Variants in ACADS observed in about 807,000 individuals in gnomAD.
The protein encoded by ACADS is acyl-CoA dehydrogenase short chain.
In ACADS, 28 loss-of-function variants were observed where a neutral mutation model predicts 46.8. The observed-to-expected ratio is 0.60, with a 90% CI of 0.44 to 0.82. The LOEUF is 0.82. Ranked by LOEUF, ACADS falls within the 40% of genes least tolerant of loss-of-function variation. ACADS has a pLI of 0.00. For synonymous variants in ACADS, 236 were observed against 237.7 expected, an observed-to-expected ratio of 0.99 and a Z score of 0.07; for missense variants, 528 against 578.0, an observed-to-expected ratio of 0.91 and a Z score of 0.89.
At chr12:120,729,860 G>C (rs1257147664) in intron 2 of ACADS, among the ~76,000 whole-genome samples, 2 of 152,188 alleles carry the variant, frequency 1.3e-5, no homozygotes, top group African/African-American at 4.8e-5. Flanking sequence ...GGAGAAGGCT[G>C]TGCTCTTAGG....
intron 2 of ACADS, among the ~76,000 whole-genome samples, chr12:120,734,588 G>T (rs1883366211): frequency 6.6e-6 from 1 of 152,022 alleles, no homozygotes; most frequent in African/African-American, 2.4e-5. Flanking sequence ...GCTCCTAGGT[G>T]CCCCCTCTTT....
At chr12:120,735,710 C>T (rs570859797) in intron 2 of ACADS, among the ~76,000 whole-genome samples, 2 of 151,950 alleles carry the variant, frequency 1.3e-5, no homozygotes, top group East Asian at 3.9e-4. Flanking sequence ...ACCAGCCTGG[C>T]CAAGATGGTG....
rs756393954 is a variant in ACADS at position 120,737,350 on chromosome 12, T to C, written c.361-6T>C. The C allele has an allele frequency of 6.2e-7, 1 of 1,613,460 alleles. No individual in the cohort carries two copies. The highest frequency in any genetic ancestry group is 1.7e-5 in the Admixed American group (1 of 60,012). On this transcript the variant is annotated splice_region_variant and splice_polypyrimidine_tract_variant and intron_variant, in intron 3 of 9. Coordinates refer to ENST00000242592, the MANE Select transcript of ACADS (RefSeq NM_000017.4). ...GGCCTCCGACCGCTCCCCGCTGTCC[T>C]CCTAGTCTCTCTACCTGGGGCCCAT... is the stretch of plus-strand genomic sequence containing the variant.
At chr12:120,732,747 C>T (rs1248527509) in intron 2 of ACADS, among the ~76,000 whole-genome samples, 13 of 149,328 alleles carry the variant, frequency 8.7e-5, no homozygotes, top group East Asian at 4.0e-4. Context: ...ACTGGGCAGC[C>T]GGGCAGAGGG....
In ACADS at chr12:120,728,959, G is replaced by A. The variant is rs1883172963; in HGVS notation, c.210+1770G>A. ...TTACAGTTTCTTACGGTTTCTCTTG[G>A]GAGTCTGGAGACCACCAGGCTCAGC... is the stretch of plus-strand genomic sequence containing the variant. On this transcript the variant is annotated intron_variant, in intron 2 of 9. Coordinates refer to ENST00000242592, the MANE Select transcript of ACADS (RefSeq NM_000017.4). The surrounding 1 kb of genome is among the most constrained non-coding windows in gnomAD (Gnocchi z 4.0). 6.6e-6 allele frequency among the ~76,000 whole-genome samples: 1 copy of A among 152,128 alleles called. No homozygotes were observed. The highest frequency in any genetic ancestry group is 1.9e-4 in the East Asian group (1 of 5,188).
At chr12:120,727,516 T>C (rs1277943820) in intron 2 of ACADS, among the ~76,000 whole-genome samples, 1 of 152,232 alleles carries the variant, frequency 6.6e-6, no homozygotes, top group Non-Finnish European at 1.5e-5. Flanking sequence ...CTCACAACGG[T>C]CCTGTGAGGT....
chr12:120,730,980 C>G (rs1883230961), intron 2 of ACADS, among the ~76,000 whole-genome samples: 1 of 152,174 alleles, frequency 6.6e-6, no homozygotes, highest in South Asian at 2.1e-4. Context: ...CAGGGCCTCA[C>G]TGTCGCCCAG....
rs373553465 is a variant in ACADS at position 120,739,765 on chromosome 12, C to T, written c.*317C>T. ...AGTTGTCCTCCCGCGGGCCCTGGTG[C>T]CCTGGCATGAAGGCCCAGTGCGACA... On this transcript the variant is annotated 3_prime_UTR_variant, in exon 10 of 10. Coordinates refer to ENST00000242592, the MANE Select transcript of ACADS (RefSeq NM_000017.4). The T allele has an allele frequency of 7.7e-5, 32 of 414,146 alleles. No individual in the cohort carries two copies. The East Asian group carries it at 8.9e-4, about 12-fold the overall frequency. The allele number at this position is 414,146 out of a possible 1,614,324, so 25.7% of individuals were successfully genotyped here.
chr12:120,733,081 G>T (rs961276107), intron 2 of ACADS, among the ~76,000 whole-genome samples: 3 of 152,258 alleles, frequency 2.0e-5, no homozygotes, highest in Non-Finnish European at 4.4e-5. Context: ...AACCAGTCAG[G>T]CGTGGCGGCG....
chr12:120,732,307 G>A (rs977145831), intron 2 of ACADS, among the ~76,000 whole-genome samples: 3 of 150,158 alleles, frequency 2.0e-5, no homozygotes, highest in Non-Finnish European at 1.5e-5. Flanking sequence ...GGCCGGGCGG[G>A]GGCTGCCCCC....
At chr12:120,727,987 G>C (rs1475245902) in intron 2 of ACADS, among the ~76,000 whole-genome samples, 1 of 151,774 alleles carries the variant, frequency 6.6e-6, no homozygotes, top group Admixed American at 6.6e-5. Flanking sequence ...TCGCTCTGTT[G>C]CCCAGGCTGG....
chr12:120,739,454 C>T lies in ACADS; in HGVS notation c.*6C>T, dbSNP rs775747840. 19 of 1,606,022 alleles carry T rather than the reference C, an allele frequency of 1.2e-5. No individual in the cohort carries two copies. In the Middle Eastern group the frequency reaches 5.6e-4, roughly 48 times the overall value. On this transcript the variant is annotated 3_prime_UTR_variant, in exon 10 of 10. Transcript: ENST00000242592. Reference sequence around the variant, plus strand: ...TCAGGAGCTACCGGAGCTGAGCCCGCGGCGGACTGCCCCAGGACTGCGGGA... The same window carrying T: ...TCAGGAGCTACCGGAGCTGAGCCCGTGGCGGACTGCCCCAGGACTGCGGGA...
rs1281127746 is a variant in ACADS at position 120,739,557 on chromosome 12, C to T, written c.*109C>T. On this transcript the variant is annotated 3_prime_UTR_variant, in exon 10 of 10. Transcript: ENST00000242592. ...CCCGGCGGGGGCTCCCTGGGGACCC[C>T]AGATGGGCTCAGTGCTGCCACCCAG... 2.3e-6 allele frequency: 3 copies of T among 1,309,318 alleles called. No homozygotes were observed. The highest frequency in any genetic ancestry group is 2.4e-5 in the East Asian group (1 of 40,884). 81.1% of individuals were successfully genotyped at this position (1,309,318 alleles called of 1,614,324 possible). A position where few individuals can be genotyped will look rare whatever the true frequency, so the allele number is the denominator to read the frequency against.
intron 2 of ACADS, among the ~76,000 whole-genome samples, chr12:120,732,970 G>A (rs900529691): frequency 1.3e-5 from 2 of 152,242 alleles, no homozygotes; most frequent in African/African-American, 2.4e-5. Flanking sequence ...CTGCAATCCC[G>A]GCACCTCGGG....
chr12:120,739,101 C>A (rs764750642), intron 8 of ACADS, 39 bp from the exon 9 acceptor site: 1 of 1,612,782 alleles, frequency 6.2e-7, no homozygotes, highest in Non-Finnish European at 8.5e-7. Flanking sequence ...ATGGAGGGGT[C>A]CCCTCAAGGG....
At position 120,738,353 on chromosome 12, in the gene ACADS, T is replaced by C. The variant is rs752882833; in HGVS notation, c.698T>C (p.Ile233Thr). 1 of 1,614,174 alleles carries C rather than the reference T, an allele frequency of 6.2e-7. No homozygotes were observed. Among genetic ancestry groups the C allele is most frequent in the Non-Finnish European group, 8.5e-7 (1 of 1,180,038 alleles). ...TLGKKEDKLGIRGSSTANLIF... is the reference protein window; with the variant it reads ...TLGKKEDKLGTRGSSTANLIF... ...GGGAAGAAAGAAGACAAGCTGGGCA[T>C]CCGGGGCTCATCCACGGCCAACCTC... The change falls in exon 6 of 10, where the codon ATC becomes ACC. Residue 233 changes from isoleucine to threonine, a missense_variant. Coordinates refer to ENST00000242592, the MANE Select transcript of ACADS (RefSeq NM_000017.4).
intron 2 of ACADS, among the ~76,000 whole-genome samples, chr12:120,734,026 CTT>C (rs1883353607): frequency 6.6e-6 from 1 of 152,142 alleles, no homozygotes; most frequent in Non-Finnish European, 1.5e-5. Flanking sequence ...CCACTCCTGT[CTT>C]TCCCAGTTCT....
chr12:120,733,389 T>C (rs1350686568), intron 2 of ACADS, among the ~76,000 whole-genome samples: 1 of 152,172 alleles, frequency 6.6e-6, no homozygotes, highest in Non-Finnish European at 1.5e-5. Flanking sequence ...CATGAGCCAC[T>C]GCGCCTGGCA....
In ACADS at chr12:120,739,440, C is replaced by A; in HGVS notation, c.1231C>A (p.Arg411=). Residue 411 remains arginine, a synonymous_variant, in exon 10 of 10, where the codon CGG becomes AGG. Coordinates refer to ENST00000242592, the MANE Select transcript of ACADS (RefSeq NM_000017.4). ...CGCCGGGCATCTGCTCAGGAGCTACCGGAGCTGAGCCCGCGGCGGACTGCC... is the reference window on the plus strand; with the variant it reads ...CGCCGGGCATCTGCTCAGGAGCTACAGGAGCTGAGCCCGCGGCGGACTGCC... ...VIAGHLLRSY[R]S The A allele has an allele frequency of 6.2e-7, 1 of 1,609,474 alleles. No individual in the cohort carries two copies. Among genetic ancestry groups the A allele is most frequent in the Non-Finnish European group, 8.5e-7 (1 of 1,179,398 alleles).
Sources: allele counts gnomAD v4.1 joint callset (sites outside exome capture counted in the v4.1 genomes callset), GRCh38; gene constraint gnomAD v4.1.1; non-coding constraint Gnocchi (gnomAD v3.1); transcripts MANE v1.5; gene names NCBI Gene and HGNC (gene_info 2026-07-23, HGNC 2026-07-21).